The following DOP1B variants were observed in gnomAD, a reference collection of about 807,000 sequenced individuals.
DOP1B encodes the protein protein DOP1B.
A neutral mutation model predicts 233.5 loss-of-function variants in DOP1B; 174 were observed. The ratio of observed to expected loss-of-function variants is 0.75; its 90% CI spans 0.66 to 0.85. The LOEUF (loss-of-function observed/expected upper bound fraction) is 0.85. Ranked by LOEUF, DOP1B falls within the 40% of genes least tolerant of loss-of-function variation. The pLI is 0.00. For synonymous variants in DOP1B, 1,190 were observed against 1,185.6 expected, an observed-to-expected ratio of 1.00 and a Z score of -0.08; for missense variants, 2,652 against 2,846.6, an observed-to-expected ratio of 0.93 and a Z score of 1.56.
At chr21:36,162,124 C>T (rs566603112) in intron 1 of DOP1B, among the ~76,000 whole-genome samples, 1 of 152,166 alleles carries the variant, frequency 6.6e-6, no homozygotes, top group Admixed American at 6.5e-5. Context: ...CTGGCAGATT[C>T]GGTGTCTGGT....
intron 10 of DOP1B, among the ~76,000 whole-genome samples, chr21:36,220,430 A>G (rs1158435784): frequency 6.6e-6 from 1 of 152,200 alleles, no homozygotes; most frequent in Non-Finnish European, 1.5e-5. Context: ...ACATAAATAC[A>G]TAGATGCCTG....
chr21:36,242,646 T>C (rs2066905418), intron 18 of DOP1B, among the ~76,000 whole-genome samples: 1 of 152,196 alleles, frequency 6.6e-6, no homozygotes, highest in Non-Finnish European at 1.5e-5. Context: ...CAGCACTACC[T>C]TGCTGCTTCC....
chr21:36,247,072 G>T (rs1377841644), intron 19 of DOP1B, among the ~76,000 whole-genome samples: 1 of 152,104 alleles, frequency 6.6e-6, no homozygotes, highest in Non-Finnish European at 1.5e-5. Flanking sequence ...TAGACACGGG[G>T]TTTCACCGTG....
rs910494258 is a variant in DOP1B, at chr21:36,265,006, C to A, written c.5487+1192C>A. ...TTTTCTATCACATTTATAGCCTTGG[C>A]GATACTACTGCTAATCTTTATGATC... is the stretch of plus-strand genomic sequence containing the variant. On this transcript the variant is annotated intron_variant, in intron 26 of 36. Transcript: ENST00000691173. 3.9e-5 allele frequency among the ~76,000 whole-genome samples: 6 copies of A among 152,152 alleles called. No individual in the cohort carries two copies. The South Asian group carries it at 1.2e-3, about 32-fold the overall frequency.
rs547665353 is a variant in DOP1B, at chr21:36,199,691, G to GT, written c.320+446dup. Among the ~76,000 whole-genome samples, 1,352 of 152,130 alleles carry GT rather than the reference G, an allele frequency of 8.9e-3. 25 individuals are homozygous for GT. The highest frequency in any genetic ancestry group is 0.031 in the African/African-American group (1,277 of 41,476). ...TATGAGTGAGAACATGCCATGTTTG[G>GT]TTTTTTGTCCTTGCGATAGTTTGCT... On this transcript the variant is annotated intron_variant, in intron 3 of 36. Transcript: ENST00000691173.
chr21:36,159,442 A>G (rs1433459525), intron 1 of DOP1B, among the ~76,000 whole-genome samples: 5 of 152,006 alleles, frequency 3.3e-5, no homozygotes, highest in Admixed American at 3.3e-4. Flanking sequence ...CAAGAGCGAA[A>G]CTCCATCTCA....
At chr21:36,232,032 G>T (rs971399533) in intron 14 of DOP1B, among the ~76,000 whole-genome samples, 8 of 152,122 alleles carry the variant, frequency 5.3e-5, no homozygotes, top group Non-Finnish European at 1.0e-4. Context: ...TTTTAGTAGA[G>T]ACAGGGTTTC....
chr21:36,160,952 G>C (rs2065863667), intron 1 of DOP1B, among the ~76,000 whole-genome samples: 1 of 152,196 alleles, frequency 6.6e-6, no homozygotes, highest in African/African-American at 2.4e-5. Flanking sequence ...TGTGGCGATG[G>C]AGAGCAATTG....
At chr21:36,290,536 C>T (rs1003182580) in intron 35 of DOP1B, among the ~76,000 whole-genome samples, 1 of 152,150 alleles carries the variant, frequency 6.6e-6, no homozygotes, top group Admixed American at 6.5e-5. Context: ...CGATGGCTCA[C>T]ACCTGTAATC....
intron 2 of DOP1B, among the ~76,000 whole-genome samples, chr21:36,167,746 C>G (rs1393808756): frequency 6.7e-6 from 1 of 148,430 alleles, no homozygotes; most frequent in Admixed American, 6.9e-5. Flanking sequence ...AATCTACTTT[C>G]CCTCTCTACG....
intron 7 of DOP1B, among the ~76,000 whole-genome samples, chr21:36,212,475 G>A (rs1398491629): frequency 6.6e-6 from 1 of 152,206 alleles, no homozygotes; most frequent in Non-Finnish European, 1.5e-5. Flanking sequence ...TGGAAGATAT[G>A]TAGATAAAGG....
intron 2 of DOP1B, chr21:36,170,186 A>C (rs1319833236): frequency 2.2e-6 from 1 of 454,936 alleles, no homozygotes; most frequent in Non-Finnish European, 4.0e-6. Context: ...GACATCACAC[A>C]ATCAAATTCC....
intron 23 of DOP1B, 77 bp from the exon 24 acceptor site, chr21:36,260,600 T>A: frequency 6.3e-7 from 1 of 1,592,950 alleles, no homozygotes; most frequent in Non-Finnish European, 8.6e-7. Flanking sequence ...GCTATAGATC[T>A]GTTTCATTTT....
intron 30 of DOP1B, among the ~76,000 whole-genome samples, chr21:36,279,825 A>G (rs1490862655): frequency 6.6e-6 from 1 of 152,180 alleles, no homozygotes; most frequent in African/African-American, 2.4e-5. Flanking sequence ...GCTTTCTTTT[A>G]TATGTAAACT....
At chr21:36,160,563 C>A (rs1410678247) in intron 1 of DOP1B, among the ~76,000 whole-genome samples, 4 of 151,274 alleles carry the variant, frequency 2.6e-5, no homozygotes, top group Non-Finnish European at 5.9e-5. Flanking sequence ...CTGTAACTTC[C>A]ACCTCCCAGG....
At position 36,245,615 on chromosome 21, in the gene DOP1B, A is replaced by G; in HGVS notation, c.3635A>G (p.Lys1212Arg). ...GCCCTCACCACATCCAGGCTGCTAA[A>G]GCAGCAGCGGGAAAGGCAGGAGGCC... ...LQALTTSRLLKQQRERQEAVE... is the reference protein window; with the variant it reads ...LQALTTSRLLRQQRERQEAVE... The change falls in exon 19 of 37, where the codon AAG becomes AGG. Residue 1212 changes from lysine to arginine, a missense_variant. Transcript: ENST00000691173. The surrounding 1 kb of genome is among the most constrained non-coding windows in gnomAD (Gnocchi z 5.5). 1 of 1,613,486 alleles carries G rather than the reference A, an allele frequency of 6.2e-7. No individual in the cohort carries two copies. Among genetic ancestry groups the G allele is most frequent in the Non-Finnish European group, 8.5e-7 (1 of 1,179,910 alleles).
chr21:36,254,984 C>T lies in DOP1B; in HGVS notation c.5259+1075C>T, dbSNP rs548536425. ...TTTTTTTTTGAGACACAGTTTCACTCTGTCACCCAGGCTGGAGTGCAGTGG... is the reference window on the plus strand; with the variant it reads ...TTTTTTTTTGAGACACAGTTTCACTTTGTCACCCAGGCTGGAGTGCAGTGG... On this transcript the variant is annotated intron_variant, in intron 23 of 36. Transcript: ENST00000691173. 1.4e-3 allele frequency among the ~76,000 whole-genome samples: 199 copies of T among 142,522 alleles called. 1 individual carries two copies. Among genetic ancestry groups the T allele is most frequent in the Non-Finnish European group, 2.0e-3 (135 of 66,220 alleles). 93.5% of individuals were successfully genotyped at this position (142,522 alleles called of 152,430 possible).
At chr21:36,186,198 G>A (rs573999653) in intron 2 of DOP1B, among the ~76,000 whole-genome samples, 5 of 144,076 alleles carry the variant, frequency 3.5e-5, no homozygotes, top group Admixed American at 2.1e-4. Context: ...ACGAGACTTC[G>A]TCTCACAAAA....
rs561431493 is a variant in DOP1B, at chr21:36,291,297, A to G, written c.6516-807A>G. Among the ~76,000 whole-genome samples the G allele has an allele frequency of 3.0e-4, 45 of 151,906 alleles. No individual in the cohort carries two copies. In the East Asian group the frequency reaches 7.7e-3, roughly 26 times the overall value. On this transcript the variant is annotated intron_variant, in intron 35 of 36. Coordinates refer to ENST00000691173, the MANE Select transcript of DOP1B (RefSeq NM_001320714.2). ...AAGTGGAGGCTAGGCGCAGTGGCTC[A>G]TGCCTGTAATCCCAGCACTTTAGGA...
Sources: allele counts gnomAD v4.1 joint callset (sites outside exome capture counted in the v4.1 genomes callset), GRCh38; gene constraint gnomAD v4.1.1; non-coding constraint Gnocchi (gnomAD v3.1); transcripts MANE v1.5; gene names NCBI Gene and HGNC (gene_info 2026-07-23, HGNC 2026-07-21).